Variants in LHFPL3 observed in about 807,000 individuals in gnomAD.
The protein encoded by LHFPL3 is LHFPL tetraspan subfamily member 3 protein.
LHFPL3 carries 5 observed loss-of-function variants against 19.3 expected under a neutral mutation model. That is an observed-to-expected ratio of 0.26 (90% confidence interval 0.14 to 0.54). The LOEUF is 0.54. LHFPL3 is among the 20% of genes least tolerant of loss of function. LHFPL3 has a pLI of 0.94. For missense variants in LHFPL3, 249 were observed against 307.4 expected (o/e 0.81, Z 1.42); for synonymous variants, 133 against 126.2 (o/e 1.05, Z -0.36).
At chr7:104,820,046 A>G (rs147025833) in intron 2 of LHFPL3, among the ~76,000 whole-genome samples, 4 of 152,288 alleles carry the variant, frequency 2.6e-5, no homozygotes, top group African/African-American at 9.6e-5. Flanking sequence ...CCATGATTAT[A>G]TTATTGCAGA....
At chr7:104,360,694 CGTGTGTGTGTGTGTGTGTGTGTGT>C (rs61216282) in intron 1 of LHFPL3, among the ~76,000 whole-genome samples, 15 of 144,464 alleles carry the variant, frequency 1.0e-4, no homozygotes, top group African/African-American at 1.8e-4. Flanking sequence ...AAAGTGCTTC[CGTGTGTGTGTGTGTGTGTGTGTGT>C]GTGTGTGTGT....
chr7:104,521,805 A>G (rs1227357922), intron 1 of LHFPL3, among the ~76,000 whole-genome samples: 4 of 152,242 alleles, frequency 2.6e-5, no homozygotes, highest in Admixed American at 2.0e-4. Context: ...ATCACTGGCC[A>G]TCAGAGAAAT....
At chr7:104,615,853 A>G (rs1791325538) in intron 1 of LHFPL3, among the ~76,000 whole-genome samples, 1 of 152,140 alleles carries the variant, frequency 6.6e-6, no homozygotes, top group Non-Finnish European at 1.5e-5. Context: ...GGACATGAAC[A>G]GAGAGCTAAA....
At chr7:104,576,475 C>G (rs1328263225) in intron 1 of LHFPL3, among the ~76,000 whole-genome samples, 4 of 151,998 alleles carry the variant, frequency 2.6e-5, no homozygotes, top group African/African-American at 7.3e-5. Flanking sequence ...ACTCAAGTAC[C>G]CTCAAAACCC....
intron 1 of LHFPL3, among the ~76,000 whole-genome samples, chr7:104,471,544 A>G (rs573561566): frequency 9.2e-5 from 14 of 152,352 alleles, no homozygotes; most frequent in African/African-American, 3.4e-4. Flanking sequence ...GGCAAATACC[A>G]GGATTCAAAA....
chr7:104,484,078 A>G (rs1314381705), intron 1 of LHFPL3, among the ~76,000 whole-genome samples: 1 of 151,562 alleles, frequency 6.6e-6, no homozygotes, highest in African/African-American at 2.4e-5. Context: ...TTGCATTTTT[A>G]ATTCCTTTCC....
Position 104,674,372 on chromosome 7 carries a change from C to CTT in LHFPL3, c.446-62287_446-62286dup, listed in dbSNP as rs531335106. Among the ~76,000 whole-genome samples, 890 of 134,666 alleles carry CTT rather than the reference C, an allele frequency of 6.6e-3. 15 individuals carry two copies. The highest frequency in any genetic ancestry group is 0.023 in the African/African-American group (826 of 36,446). The allele number at this position is 134,666 out of a possible 152,430, so 88.3% of individuals were successfully genotyped here. A position where few individuals can be genotyped will look rare whatever the true frequency, so the allele number is the denominator to read the frequency against. On this transcript the variant is annotated intron_variant, in intron 1 of 2. Transcript: ENST00000424859. The stretch of plus-strand genomic sequence containing the variant: ...ACTTCCTGTTTTTCTTTTTCTTTTT[C>CTT]TTTTTTTTTTTTTTTTTGACGGATT...
chr7:104,351,366 A>G (rs574931907), intron 1 of LHFPL3, among the ~76,000 whole-genome samples: 96 of 152,216 alleles, frequency 6.3e-4, no homozygotes, highest in Middle Eastern at 6.8e-3. Context: ...TAAAATACAC[A>G]TTTTTTAGTT....
intron 1 of LHFPL3, among the ~76,000 whole-genome samples, chr7:104,506,514 C>G (rs1298321734): frequency 6.6e-6 from 1 of 152,224 alleles, no homozygotes; most frequent in Non-Finnish European, 1.5e-5. Flanking sequence ...CTGTGTTATA[C>G]TCTCACCTTT....
intron 2 of LHFPL3, among the ~76,000 whole-genome samples, chr7:104,751,918 C>T (rs897649670): frequency 1.8e-4 from 27 of 151,718 alleles, no homozygotes; most frequent in Non-Finnish European, 3.5e-4. Flanking sequence ...TAGGTGGTGC[C>T]GTAGGATTAA....
intron 2 of LHFPL3, among the ~76,000 whole-genome samples, chr7:104,840,576 C>A (rs761396572): frequency 2.8e-5 from 4 of 143,132 alleles, no homozygotes; most frequent in Non-Finnish European, 5.9e-5. Context: ...ACCTCAGCCT[C>A]CTGAAGTACT....
At chr7:104,494,367 C>T (rs1312551319) in intron 1 of LHFPL3, among the ~76,000 whole-genome samples, 1 of 152,184 alleles carries the variant, frequency 6.6e-6, no homozygotes, top group Non-Finnish European at 1.5e-5. Flanking sequence ...CCTCTATTCT[C>T]TTATTTATTC....
intron 2 of LHFPL3, among the ~76,000 whole-genome samples, chr7:104,846,821 T>C (rs903311156): frequency 6.6e-6 from 1 of 152,222 alleles, no homozygotes; most frequent in African/African-American, 2.4e-5. Flanking sequence ...CTGCCTCTCT[T>C]GGGCTCCTCA....
At chr7:104,756,052 G>A (rs1420739299) in intron 2 of LHFPL3, among the ~76,000 whole-genome samples, 1 of 152,060 alleles carries the variant, frequency 6.6e-6, no homozygotes, top group Non-Finnish European at 1.5e-5. Context: ...TTGCTATGGG[G>A]CCAGGGGTTG....
At chr7:104,668,242 G>A (rs1298473770) in intron 1 of LHFPL3, 2 of 1,612,644 alleles carry the variant, frequency 1.2e-6, no homozygotes, top group Non-Finnish European at 1.7e-6. Flanking sequence ...AGTAACAGGA[G>A]AATTCGAGTG....
At chr7:104,729,321 T>C (rs1793646728) in intron 1 of LHFPL3, among the ~76,000 whole-genome samples, 1 of 152,176 alleles carries the variant, frequency 6.6e-6, no homozygotes, top group Non-Finnish European at 1.5e-5. Flanking sequence ...TAAAACAGAA[T>C]AGTATATCCA....
intron 1 of LHFPL3, among the ~76,000 whole-genome samples, chr7:104,524,838 T>G (rs1000807585): frequency 2.6e-5 from 4 of 152,192 alleles, no homozygotes; most frequent in African/African-American, 9.6e-5. Flanking sequence ...TATTTGTTCT[T>G]TTCTATTCTC....
intron 2 of LHFPL3, among the ~76,000 whole-genome samples, chr7:104,881,102 G>C (rs188836623): frequency 1.3e-5 from 2 of 150,952 alleles, no homozygotes; most frequent in East Asian, 3.9e-4. Context: ...CCTGGGAGGC[G>C]GAGCTTGCAG....
At chr7:104,765,015 GTAAATGGAGC>G in intron 2 of LHFPL3, among the ~76,000 whole-genome samples, 1 of 152,308 alleles carries the variant, frequency 6.6e-6, no homozygotes, top group African/African-American at 2.4e-5. Flanking sequence ...AAGCCAAAAT[GTAAATGGAGC>G]TAAATCTCTT....
Sources: allele counts gnomAD v4.1 joint callset (sites outside exome capture counted in the v4.1 genomes callset), GRCh38; gene constraint gnomAD v4.1.1; transcripts MANE v1.5; gene names NCBI Gene and HGNC (gene_info 2026-07-23, HGNC 2026-07-21).